The following SLC35A5 variants were observed in gnomAD, a reference collection of about 807,000 sequenced individuals.
The protein encoded by SLC35A5 is UDP-sugar transporter protein SLC35A5.
SLC35A5 carries 28 observed loss-of-function variants against 36.3 expected under a neutral mutation model. That is an observed-to-expected ratio of 0.77 (90% CI 0.57 to 1.06). The LOEUF is 1.06. Ranked by LOEUF, SLC35A5 falls within the 50% of genes least tolerant of loss-of-function variation. The pLI is 0.00. For synonymous variants in SLC35A5, 180 were observed against 173.7 expected, an observed-to-expected ratio of 1.04 and a Z score of -0.29; for missense variants, 521 against 499.3, an observed-to-expected ratio of 1.04 and a Z score of -0.41.
upstream of SLC35A5, chr3:112,561,579 G>A: frequency 1.3e-6 from 2 of 1,567,366 alleles, no homozygotes; most frequent in Non-Finnish European, 8.7e-7. Flanking sequence ...AAGTGCAGCC[G>A]TGTCAGGGGC....
chr3:112,561,353 CCT>C, upstream of SLC35A5: 1 of 1,230,618 alleles, frequency 8.1e-7, no homozygotes. Context: ...CTACTGCCTT[CCT>C]ACACCTTGCC....
intron 4 of SLC35A5, among the ~76,000 whole-genome samples, chr3:112,572,232 G>A (rs1046962033): frequency 5.9e-5 from 9 of 151,616 alleles, no homozygotes; most frequent in Non-Finnish European, 1.0e-4. Context: ...GTGAGCCACC[G>A]TGCCCGGCCG....
In SLC35A5 at chr3:112,574,684, A is replaced by G. The variant is rs562639558; in HGVS notation, c.428+728A>G. Among the ~76,000 whole-genome samples, 448 of 152,162 alleles carry G rather than the reference A, an allele frequency of 2.9e-3. 4 individuals carry two copies. The highest frequency in any genetic ancestry group is 0.01 in the African/African-American group (431 of 41,548). ...ATTAGATTTGTTTTTTTTAAATTTT[A>G]CATTATCTTTTTGATTTATTGATTC... On this transcript the variant is annotated intron_variant, in intron 5 of 6. Coordinates refer to ENST00000492406, the MANE Select transcript of SLC35A5 (RefSeq NM_017945.5).
intron 2 of SLC35A5, among the ~76,000 whole-genome samples, chr3:112,565,622 C>CA (rs1252577957): frequency 2.0e-5 from 3 of 152,036 alleles, no homozygotes; most frequent in Non-Finnish European, 4.4e-5. Context: ...ACTAGAAATA[C>CA]AAAAAATTAG....
chr3:112,581,316 G>C lies in SLC35A5; in HGVS notation c.1199G>C (p.Arg400Pro), dbSNP rs992603288. The change falls in exon 6 of 7, where the codon CGT (arginine) becomes CCT (proline). Residue 400 changes from arginine (R) to proline (P), a missense_variant. Transcript: ENST00000492406. ...IRDLSGNLWE[R>P]SSGDGEELER... ...GATCTAAGTGGCAATCTTTGGGAGC[G>C]TTCCAGTGGGGTAAGTTTGTGAGGG... 1.2e-6 allele frequency: 2 copies of C among 1,601,568 alleles called. No homozygotes were observed. Among genetic ancestry groups the C allele is most frequent in the East Asian group, 4.5e-5 (2 of 44,834 alleles).
chr3:112,580,494 A>G lies in SLC35A5; in HGVS notation c.429-52A>G, dbSNP rs1015735595. The G allele has an allele frequency of 3.3e-6, 5 of 1,514,362 alleles. No individual in the cohort carries two copies. The South Asian group carries it at 4.1e-5, about 12-fold the overall frequency. 93.8% of individuals were successfully genotyped at this position (1,514,362 alleles called of 1,614,324 possible). Reference sequence around the variant, plus strand: ...AGTGTCTGAGTTTTCAGTAGAAACTATTGATATGGGGGGAAAACAGTAGTA... The same window carrying G: ...AGTGTCTGAGTTTTCAGTAGAAACTGTTGATATGGGGGGAAAACAGTAGTA... On this transcript the variant is annotated intron_variant, in intron 5 of 6. Transcript: ENST00000492406.
intron 2 of SLC35A5, among the ~76,000 whole-genome samples, chr3:112,567,251 A>G (rs917809654): frequency 3.3e-5 from 5 of 151,892 alleles, no homozygotes; most frequent in African/African-American, 7.3e-5. Flanking sequence ...AAAACAGACA[A>G]ACAAACAAAA....
At chr3:112,562,874 A>G (rs1029687728) in intron 1 of SLC35A5, among the ~76,000 whole-genome samples, 2 of 152,136 alleles carry the variant, frequency 1.3e-5, no homozygotes, top group Non-Finnish European at 2.9e-5. Context: ...AGCCTGGCCA[A>G]CATAGTGAAA....
chr3:112,570,628 G>C lies in SLC35A5; in HGVS notation c.318G>C (p.Leu106=), dbSNP rs759006526. The change falls in exon 4 of 7, where the codon CTG becomes CTC. Residue 106 remains leucine (L), a synonymous_variant. Transcript: ENST00000492406. ...KWSIPAFLYF[L]DNLIVFYVLS... ...CCATTCCTGCCTTTCTTTATTTCCT[G>C]GATAACTTGATTGTCTTCTATGTCC... 2.5e-5 allele frequency: 41 copies of C among 1,611,344 alleles called. No homozygotes were observed. The highest frequency in any genetic ancestry group is 3.1e-5 in the Non-Finnish European group (37 of 1,178,820).
chr3:112,570,783 T>G, intron 4 of SLC35A5, 113 bp downstream of exon 4: 1 of 1,015,018 alleles, frequency 9.9e-7, no homozygotes, highest in Non-Finnish European at 1.4e-6. Context: ...TTGTCCTCAC[T>G]GGCCTTCCTG....
chr3:112,570,596 A>T lies in SLC35A5; in HGVS notation c.286A>T (p.Lys96Ter). 1 of 1,613,236 alleles carries T rather than the reference A, an allele frequency of 6.2e-7. No individual in the cohort carries two copies. Among genetic ancestry groups the T allele is most frequent in the Non-Finnish European group, 8.5e-7 (1 of 1,179,558 alleles). The change falls in exon 4 of 7, where the codon AAG becomes TAG. Residue 96 changes from lysine (K) to a stop codon, truncating the protein, a stop_gained. Transcript: ENST00000492406. LOFTEE classifies it high-confidence loss of function. ...CTGGAAGGAATTCTCTGATTTCATGAAGTGGTCCATTCCTGCCTTTCTTTA... is the reference window on the plus strand; with the variant it reads ...CTGGAAGGAATTCTCTGATTTCATGTAGTGGTCCATTCCTGCCTTTCTTTA... ...ASWKEFSDFM[K>*]WSIPAFLYFL...
chr3:112,573,800 C>A, intron 4 of SLC35A5, 89 bp from the exon 5 acceptor site: 2 of 1,077,626 alleles, frequency 1.9e-6, no homozygotes, highest in Non-Finnish European at 2.8e-6. Flanking sequence ...GACCAAAAAG[C>A]TTTTTTTGTC....
At chr3:112,570,501 A>G (rs1934388334) in intron 3 of SLC35A5, 39 bp from the exon 4 acceptor site, 1 of 1,568,240 alleles carries the variant, frequency 6.4e-7, no homozygotes, top group East Asian at 2.3e-5. Context: ...AAATGTGGGC[A>G]TTCTCATCAA....
At chr3:112,581,416 TGTCAAAGAATG>T in intron 6 of SLC35A5, 90 bp downstream of exon 6, 1 of 1,284,294 alleles carries the variant, frequency 7.8e-7, no homozygotes, top group Non-Finnish European at 1.1e-6. Context: ...AGTACTGATT[TGTCAAAGAATG>T]TATTGGATCT....
intron 5 of SLC35A5, 95 bp from the exon 6 acceptor site, chr3:112,580,451 T>G: frequency 7.2e-7 from 1 of 1,383,192 alleles, no homozygotes. Context: ...GGGTCCAGTT[T>G]ATTCAACCAA....
upstream of SLC35A5, chr3:112,561,661 G>A: frequency 3.4e-6 from 3 of 893,298 alleles, no homozygotes; most frequent in South Asian, 3.2e-5. Flanking sequence ...CGAGGGGACG[G>A]GACGCGACGC....
intron 5 of SLC35A5, among the ~76,000 whole-genome samples, chr3:112,578,025 C>T (rs1934744687): frequency 6.6e-6 from 1 of 152,030 alleles, no homozygotes; most frequent in Admixed American, 6.6e-5. Flanking sequence ...TGGTTAGTTG[C>T]TAGGAAAACT....
rs773971269 is a variant in SLC35A5, at chr3:112,581,243, A to G, written c.1126A>G (p.Ser376Gly). ...VLLSIFIYNA[S>G]KPQVPEYAPR... ...TCTCTCTATATTTATTTATAATGCCAGCAAGCCTCAAGTTCCGGAATACGC... is the reference window on the plus strand; with the variant it reads ...TCTCTCTATATTTATTTATAATGCCGGCAAGCCTCAAGTTCCGGAATACGC... Residue 376 changes from serine to glycine, a missense_variant, in exon 6 of 7, where the codon AGC (serine) becomes GGC (glycine). Physicochemically the swap from Ser to Gly is moderately conservative, Grantham distance 56. Transcript: ENST00000492406. 44 of 1,613,784 alleles carry G rather than the reference A, an allele frequency of 2.7e-5. No individual in the cohort carries two copies. Among genetic ancestry groups the G allele is most frequent in the Non-Finnish European group, 3.5e-5 (41 of 1,179,914 alleles).
chr3:112,563,314 C>T, intron 1 of SLC35A5, 71 bp from the exon 2 acceptor site: 3 of 1,333,488 alleles, frequency 2.2e-6, no homozygotes, highest in Admixed American at 2.8e-5. Context: ...CTTTTTTGTC[C>T]TCACGATCAA....
Sources: allele counts gnomAD v4.1 joint callset (sites outside exome capture counted in the v4.1 genomes callset), GRCh38; gene constraint gnomAD v4.1.1; transcripts MANE v1.5; gene names NCBI Gene and HGNC (gene_info 2026-07-23, HGNC 2026-07-21).